The following NEGR1 variants were observed in gnomAD, a reference collection of about 807,000 sequenced individuals.
The protein encoded by NEGR1 is IgLON family member 4.
In NEGR1, 10 loss-of-function variants were observed where a neutral mutation model predicts 40.9. The observed-to-expected ratio is 0.24, with a 90% CI of 0.15 to 0.42. NEGR1 has a LOEUF of 0.42. Among genes scored for constraint, NEGR1 ranks in the 10% least tolerant of loss-of-function variants. The probability of loss-of-function intolerance (pLI) is 1.00; values close to 1 mark genes in which losing one functional copy is unlikely to be tolerated. For synonymous variants in NEGR1, 185 were observed against 166.8 expected, an observed-to-expected ratio of 1.11 and a Z score of -0.84; for missense variants, 352 against 438.9, an observed-to-expected ratio of 0.80 and a Z score of 1.77.
chr1:71,445,986 T>C (rs1318177882), intron 6 of NEGR1, among the ~76,000 whole-genome samples: 1 of 152,232 alleles, frequency 6.6e-6, no homozygotes, highest in African/African-American at 2.4e-5. Flanking sequence ...ATTTTTTACA[T>C]ATTAAATCAC....
Position 71,710,203 on chromosome 1 carries a change from A to T in NEGR1, c.536-12064T>A, listed in dbSNP as rs149174618. 4.6e-5 allele frequency among the ~76,000 whole-genome samples: 7 copies of T among 152,318 alleles called. No homozygotes were observed. The East Asian group carries it at 1.4e-3, about 29-fold the overall frequency. ...CCTACTGTTATTACAATCTCGCCCC[A>T]GTTAAAATGGCTAATATCCAAAAGA... On this transcript the variant is annotated intron_variant, in intron 3 of 6. Coordinates refer to ENST00000357731, the MANE Select transcript of NEGR1 (RefSeq NM_173808.3).
At chr1:71,649,485 A>G (rs1651639017) in intron 4 of NEGR1, among the ~76,000 whole-genome samples, 1 of 152,112 alleles carries the variant, frequency 6.6e-6, no homozygotes, top group African/African-American at 2.4e-5. Context: ...GTGCACTTCT[A>G]CAAGATACCA....
At chr1:71,614,346 G>A (rs946267822) in intron 4 of NEGR1, among the ~76,000 whole-genome samples, 7 of 151,808 alleles carry the variant, frequency 4.6e-5, no homozygotes, top group Admixed American at 1.3e-4. Context: ...ATATATGGGT[G>A]TATACATATA....
intron 1 of NEGR1, among the ~76,000 whole-genome samples, chr1:72,205,732 G>A (rs1358260183): frequency 8.8e-6 from 1 of 114,060 alleles, no homozygotes; most frequent in East Asian, 2.6e-4. Context: ...ACCAGCCCGG[G>A]CAAATGGCAA....
At chr1:71,424,898 T>A (rs982853042) in intron 6 of NEGR1, among the ~76,000 whole-genome samples, 2 of 152,204 alleles carry the variant, frequency 1.3e-5, no homozygotes, top group African/African-American at 4.8e-5. Flanking sequence ...TGGTTTCAGC[T>A]TTGTGAGACC....
chr1:72,090,849 A>G (rs1450799039), intron 1 of NEGR1, among the ~76,000 whole-genome samples: 1 of 152,130 alleles, frequency 6.6e-6, no homozygotes, highest in Non-Finnish European at 1.5e-5. Context: ...TCACATCTGG[A>G]AAAACAAGGG....
intron 2 of NEGR1, among the ~76,000 whole-genome samples, chr1:71,920,649 C>T (rs1645708657): frequency 1.3e-5 from 2 of 152,192 alleles, no homozygotes; most frequent in South Asian, 4.1e-4. Flanking sequence ...ACACTTACAA[C>T]AATGCTTAGC....
chr1:71,675,220 C>A (rs1257920965), intron 4 of NEGR1, among the ~76,000 whole-genome samples: 1 of 143,368 alleles, frequency 7.0e-6, no homozygotes, highest in Non-Finnish European at 1.5e-5. Flanking sequence ...GTTAAGTAAA[C>A]CTTCAGGTAT....
intron 3 of NEGR1, among the ~76,000 whole-genome samples, chr1:71,747,786 T>C (rs1339038965): frequency 1.3e-5 from 2 of 151,926 alleles, no homozygotes; most frequent in African/African-American, 4.8e-5. Flanking sequence ...ATTTCTCATT[T>C]TTATAATAAT....
intron 4 of NEGR1, among the ~76,000 whole-genome samples, chr1:71,689,597 A>G (rs1653182421): frequency 6.6e-6 from 1 of 152,062 alleles, no homozygotes; most frequent in Admixed American, 6.6e-5. Context: ...AGACTGAATA[A>G]TTCAGTATAT....
chr1:71,918,457 G>A (rs983135274), intron 2 of NEGR1, among the ~76,000 whole-genome samples: 2 of 151,780 alleles, frequency 1.3e-5, no homozygotes, highest in South Asian at 4.2e-4. Flanking sequence ...GCCTTCAATG[G>A]TTTCTGCTTT....
At chr1:71,686,306 A>T (rs1280564615) in intron 4 of NEGR1, among the ~76,000 whole-genome samples, 1 of 152,114 alleles carries the variant, frequency 6.6e-6, no homozygotes, top group Non-Finnish European at 1.5e-5. Flanking sequence ...CAACAAAAAA[A>T]GTTTGGTTCC....
At chr1:71,590,335 A>C (rs1649458241) in intron 6 of NEGR1, among the ~76,000 whole-genome samples, 1 of 152,118 alleles carries the variant, frequency 6.6e-6, no homozygotes, top group African/African-American at 2.4e-5. Context: ...TCTAGATAAA[A>C]GTTCTTTCAT....
intron 6 of NEGR1, among the ~76,000 whole-genome samples, chr1:71,468,022 T>C (rs1044975596): frequency 6.6e-6 from 1 of 151,884 alleles, no homozygotes; most frequent in Non-Finnish European, 1.5e-5. Flanking sequence ...GACAAGACAA[T>C]AAAATAGAGG....
At chr1:71,747,621 C>T (rs909129634) in intron 3 of NEGR1, among the ~76,000 whole-genome samples, 2 of 152,028 alleles carry the variant, frequency 1.3e-5, no homozygotes, top group African/African-American at 4.8e-5. Flanking sequence ...GATGGGGTTT[C>T]ACCATGTTGG....
intron 6 of NEGR1, among the ~76,000 whole-genome samples, chr1:71,553,013 A>G (rs1005697912): frequency 6.6e-6 from 1 of 151,444 alleles, no homozygotes; most frequent in Non-Finnish European, 1.5e-5. Context: ...TTTGCAGTCT[A>G]TTTCGTTCCA....
intron 1 of NEGR1, among the ~76,000 whole-genome samples, chr1:72,273,569 T>A (rs1655928882): frequency 1.3e-5 from 2 of 151,860 alleles, no homozygotes; most frequent in African/African-American, 2.4e-5. Context: ...AGAATACCCT[T>A]GAAATCTTAA....
At chr1:71,741,416 C>A (rs534337617) in intron 3 of NEGR1, among the ~76,000 whole-genome samples, 2 of 152,222 alleles carry the variant, frequency 1.3e-5, no homozygotes, top group African/African-American at 4.8e-5. Context: ...CCTATCAACC[C>A]AATTCTCCCA....
intron 2 of NEGR1, among the ~76,000 whole-genome samples, chr1:71,815,372 C>T (rs12093997): frequency 0.014 from 2,079 of 151,910 alleles, 44 homozygotes; most frequent in African/African-American, 0.048. Context: ...ATAAGAAGAA[C>T]GTATATTCTG....
Sources: gnomAD v4.1 joint callset for allele counts (sites outside exome capture counted in the v4.1 genomes callset) on GRCh38, gnomAD v4.1.1 for gene constraint, MANE v1.5 for transcripts, NCBI Gene and HGNC (gene_info 2026-07-23, HGNC 2026-07-21) for gene names.